BMAL1: variants seen among roughly 807,000 people sequenced by gnomAD.
BMAL1 encodes the protein basic helix-loop-helix ARNT like 1.
the BMAL1 span, chr11:13,360,244 C>A: frequency 1.0e-6 from 1 of 992,478 alleles, no homozygotes; most frequent in South Asian, 1.4e-5. Context: ...AATACCAGGT[C>A]ATAGAGACTA....
At chr11:13,286,603 A>T in the BMAL1 span, among the ~76,000 whole-genome samples, 12 of 152,218 alleles carry the variant, frequency 7.9e-5, no homozygotes, top group Admixed American at 7.9e-4. Flanking sequence ...GAAGAAGTAT[A>T]TGGCACTCAG....
At chr11:13,284,143 T>TAC in the BMAL1 span, among the ~76,000 whole-genome samples, 2 of 78,836 alleles carry the variant, frequency 2.5e-5, no homozygotes, top group Non-Finnish European at 4.6e-5. Context: ...TATATATATA[T>TAC]GTGTATATAT....
the BMAL1 span, among the ~76,000 whole-genome samples, chr11:13,358,147 G>T: frequency 6.6e-6 from 1 of 152,212 alleles, no homozygotes. Flanking sequence ...GAGAGGAAAA[G>T]AAACGAGGAG....
the BMAL1 span, among the ~76,000 whole-genome samples, chr11:13,372,579 G>A: frequency 6.6e-6 from 1 of 152,134 alleles, no homozygotes. Context: ...TGAGGCCAAG[G>A]TGGGTGGATC....
the BMAL1 span, chr11:13,355,338 C>G: frequency 6.3e-7 from 1 of 1,594,290 alleles, no homozygotes; most frequent in Non-Finnish European, 8.6e-7. Context: ...CACCCAGGGG[C>G]TGGAGAGTGG....
At chr11:13,292,096 A>G in the BMAL1 span, among the ~76,000 whole-genome samples, 6 of 151,982 alleles carry the variant, frequency 3.9e-5, no homozygotes, top group Non-Finnish European at 7.4e-5. Context: ...TCTCTCCCCT[A>G]CTGTTTCTGC....
chr11:13,328,033 A>G, the BMAL1 span, among the ~76,000 whole-genome samples: 1 of 152,194 alleles, frequency 6.6e-6, no homozygotes, highest in African/African-American at 2.4e-5. Flanking sequence ...CATTGATACT[A>G]TGTGCTATTT....
chr11:13,318,196 C>A, the BMAL1 span, among the ~76,000 whole-genome samples: 1 of 152,180 alleles, frequency 6.6e-6, no homozygotes, highest in Admixed American at 6.5e-5. Flanking sequence ...ATAACTAATA[C>A]CCCTTAGATA....
chr11:13,349,684 G>A, the BMAL1 span, among the ~76,000 whole-genome samples: 2 of 152,188 alleles, frequency 1.3e-5, no homozygotes, highest in Non-Finnish European at 2.9e-5. Flanking sequence ...TAACTTTGAA[G>A]GCATTGTTTT....
At chr11:13,307,161 A>C in the BMAL1 span, among the ~76,000 whole-genome samples, 2 of 152,220 alleles carry the variant, frequency 1.3e-5, no homozygotes, top group African/African-American at 4.8e-5. Flanking sequence ...TCTGGGGAAG[A>C]TAAAAAAGAC....
chr11:13,335,732 T>A, the BMAL1 span, among the ~76,000 whole-genome samples: 3 of 152,388 alleles, frequency 2.0e-5, no homozygotes, highest in Non-Finnish European at 4.4e-5. Flanking sequence ...ATATAAGATT[T>A]ACCTATTTGT....
the BMAL1 span, among the ~76,000 whole-genome samples, chr11:13,281,541 A>G: frequency 6.6e-6 from 1 of 151,864 alleles, no homozygotes; most frequent in African/African-American, 2.4e-5. Context: ...TTTTTTAAAC[A>G]TGGTCTCAGT....
chr11:13,340,991 T>A, the BMAL1 span, among the ~76,000 whole-genome samples: 1 of 152,172 alleles, frequency 6.6e-6, no homozygotes, highest in Non-Finnish European at 1.5e-5. Context: ...ATGCAGCTAG[T>A]AAGTGGCAGG....
the BMAL1 span, among the ~76,000 whole-genome samples, chr11:13,293,873 A>G: frequency 6.6e-5 from 10 of 152,224 alleles, no homozygotes; most frequent in African/African-American, 2.2e-4. Context: ...AGAAGATGAA[A>G]CCTTCCCAAG....
At chr11:13,309,696 G>A in the BMAL1 span, among the ~76,000 whole-genome samples, 1 of 152,088 alleles carries the variant, frequency 6.6e-6, no homozygotes, top group Admixed American at 6.6e-5. Flanking sequence ...CTCTTAAAAA[G>A]CCTACAGTCT....
At chr11:13,339,381 TC>T in the BMAL1 span, among the ~76,000 whole-genome samples, 41 of 150,348 alleles carry the variant, frequency 2.7e-4, no homozygotes, top group African/African-American at 9.9e-4. Flanking sequence ...TAGCATCTCT[TC>T]CCCGGACTGT....
the BMAL1 span, among the ~76,000 whole-genome samples, chr11:13,315,809 G>A: frequency 6.6e-6 from 1 of 152,196 alleles, no homozygotes; most frequent in Non-Finnish European, 1.5e-5. Flanking sequence ...CCGAGAGCAT[G>A]TGGGACTGCC....
chr11:13,296,417 G>A, the BMAL1 span, among the ~76,000 whole-genome samples: 38,083 of 152,086 alleles, frequency 0.25, 5,222 homozygotes, highest in East Asian at 0.46. Flanking sequence ...CCCACAGACC[G>A]ATTTTAACCA....
the BMAL1 span, among the ~76,000 whole-genome samples, chr11:13,304,403 C>T: frequency 6.6e-6 from 1 of 152,192 alleles, no homozygotes; most frequent in Non-Finnish European, 1.5e-5. Flanking sequence ...GAGGTTTTGG[C>T]TTTGCCTAAT....
Sources: gnomAD v4.1 joint callset for allele counts (sites outside exome capture counted in the v4.1 genomes callset) on GRCh38, gnomAD v4.1.1 for gene constraint, MANE v1.5 for transcripts, NCBI Gene and HGNC (gene_info 2026-07-23, HGNC 2026-07-21) for gene names.